OGFOD1: variants seen among roughly 807,000 people sequenced by gnomAD.
The protein encoded by OGFOD1 is 2-oxoglutarate and iron dependent oxygenase domain containing 1.
A neutral mutation model predicts 67.7 loss-of-function variants in OGFOD1; 54 were observed. The observed-to-expected ratio is 0.80, with a 90% CI of 0.64 to 1.00. The LOEUF (loss-of-function observed/expected upper bound fraction) is 1.00. OGFOD1 is among the 50% of genes least tolerant of loss of function. OGFOD1 has a pLI of 0.00. For missense variants in OGFOD1, 606 were observed against 646.7 expected, an observed-to-expected ratio of 0.94 and a Z score of 0.68; for synonymous variants, 221 against 227.0, an observed-to-expected ratio of 0.97 and a Z score of 0.24.
chr16:56,475,474 C>T (rs775230945), intron 11 of OGFOD1, 33 bp from the exon 12 acceptor site: 6 of 1,604,544 alleles, frequency 3.7e-6, no homozygotes, highest in Non-Finnish European at 2.6e-6. Context: ...TCAATAGGAG[C>T]TTTCTGAATG....
At chr16:56,475,359 A>AT in intron 11 of OGFOD1, 148 bp from the exon 12 acceptor site, 1 of 743,964 alleles carries the variant, frequency 1.3e-6, no homozygotes. Flanking sequence ...AAACTAGATG[A>AT]TAAGTTCAAG....
intron 4 of OGFOD1, among the ~76,000 whole-genome samples, chr16:56,462,857 C>T (rs1315855852): frequency 6.6e-6 from 1 of 152,204 alleles, no homozygotes; most frequent in Non-Finnish European, 1.5e-5. Context: ...ACCATATTTT[C>T]AGCAAAATCC....
At chr16:56,455,837 C>G in intron 2 of OGFOD1, among the ~76,000 whole-genome samples, 1 of 151,994 alleles carries the variant, frequency 6.6e-6, no homozygotes, top group East Asian at 1.9e-4. Flanking sequence ...TTCTTTCTCT[C>G]TGGATCATTC....
chr16:56,468,007 G>C lies in OGFOD1; in HGVS notation c.889G>C (p.Glu297Gln). ...AGAAAGTTCTGAAATTCTCCTGAAG[G>C]AGTTTCTTAAGGTAAGCTTAGCGTA... Reference protein sequence around the residue: ...FEESSEILLKEFLKPEKFTKV... With the variant: ...FEESSEILLKQFLKPEKFTKV... The change falls in exon 8 of 13, where the codon GAG (glutamate) becomes CAG (glutamine). Residue 297 changes from glutamate to glutamine, a missense_variant. Glu to Gln is a conservative substitution (Grantham distance 29). Transcript: ENST00000566157. 1.3e-6 allele frequency: 2 copies of C among 1,551,094 alleles called. No homozygotes were observed. The highest frequency in any genetic ancestry group is 1.8e-6 in the Non-Finnish European group (2 of 1,122,696).
At chr16:56,473,623 T>G (rs187351041) in intron 10 of OGFOD1, among the ~76,000 whole-genome samples, 2 of 152,372 alleles carry the variant, frequency 1.3e-5, no homozygotes, top group African/African-American at 4.8e-5. Flanking sequence ...TCCAACTTGC[T>G]TATTCTTTAG....
Position 56,470,077 on chromosome 16 carries a change from C to T in OGFOD1, c.975C>T (p.Asn325=). 2.5e-6 allele frequency: 4 copies of T among 1,613,688 alleles called. No homozygotes were observed. In the South Asian group the frequency reaches 4.4e-5, roughly 18 times the overall value. Residue 325 remains asparagine, a synonymous_variant, in exon 9 of 13, where the codon AAC becomes AAT. Transcript: ENST00000566157. ...HVEWSSRGPP[N]KRFYEKAEES... is the part of the protein sequence containing the mutation. ...AATGGAGCAGCCGAGGTCCCCCTAA[C>T]AAAAGGTAGAACCCGTCATCTGAGA...
At chr16:56,461,808 A>C (rs1421825179) in intron 3 of OGFOD1, among the ~76,000 whole-genome samples, 1 of 152,198 alleles carries the variant, frequency 6.6e-6, no homozygotes, top group Non-Finnish European at 1.5e-5. Context: ...AAAGAAAAAC[A>C]GTTGAGGCCA....
At chr16:56,459,766 A>G (rs1442534929) in intron 3 of OGFOD1, among the ~76,000 whole-genome samples, 1 of 152,236 alleles carries the variant, frequency 6.6e-6, no homozygotes, top group Non-Finnish European at 1.5e-5. Context: ...ATGGATTCAC[A>G]TCACGTGATC....
intron 10 of OGFOD1, among the ~76,000 whole-genome samples, chr16:56,473,813 C>T (rs887440924): frequency 4.8e-5 from 7 of 144,908 alleles, no homozygotes; most frequent in Admixed American, 1.4e-4. Flanking sequence ...TATTAACCTT[C>T]TTTTTTTTTT....
Position 56,470,491 on chromosome 16 carries a change from T to C in OGFOD1, c.985T>C (p.Tyr329His). ...SSRGPPNKRF[Y>H]EKAEESKLPE... ...CTTGACATTGCTGTTTTTCAGGTTT[T>C]ATGAGAAAGCTGAGGAGAGTAAGCT... The change falls in exon 10 of 13, where the codon TAT (tyrosine) becomes CAT (histidine). Residue 329 changes from tyrosine to histidine, a missense_variant. Physicochemically the swap from Tyr to His is moderately conservative, Grantham distance 83 (BLOSUM62 2). Transcript: ENST00000566157. 1 of 1,599,352 alleles carries C rather than the reference T, an allele frequency of 6.3e-7. No individual in the cohort carries two copies. Among genetic ancestry groups the C allele is most frequent in the South Asian group, 1.1e-5 (1 of 88,630 alleles).
chr16:56,475,950 G>GCTT (rs1383833609), intron 12 of OGFOD1, 94 bp from the exon 13 acceptor site: 2 of 1,161,540 alleles, frequency 1.7e-6, no homozygotes. Flanking sequence ...CAGATTAAGT[G>GCTT]CTTGATATGG....
chr16:56,458,746 G>A, intron 3 of OGFOD1, 152 bp downstream of exon 3: 1 of 644,466 alleles, frequency 1.6e-6, no homozygotes, highest in Middle Eastern at 4.3e-4. Flanking sequence ...AATTGAGTTT[G>A]CATAGCTTAA....
intron 10 of OGFOD1, among the ~76,000 whole-genome samples, chr16:56,472,925 T>TTTTGG (rs55711786): frequency 0.19 from 28,764 of 151,480 alleles, 2,934 homozygotes; most frequent in Non-Finnish European, 0.24. Context: ...GCTTTTTTTG[T>TTTTGG]TTTGGTTTGG....
intron 1 of OGFOD1, chr16:56,452,004 G>T: frequency 2.0e-6 from 1 of 499,520 alleles, no homozygotes; most frequent in South Asian, 2.9e-5. Context: ...GGGAAGCAGA[G>T]GGTATGCAAG....
At chr16:56,458,217 C>A in intron 2 of OGFOD1, 1 of 273,772 alleles carries the variant, frequency 3.7e-6, no homozygotes. Flanking sequence ...CCCATTCTTT[C>A]CCTGGGTTTC....
intron 6 of OGFOD1, 73 bp downstream of exon 6, chr16:56,467,040 C>A: frequency 6.5e-7 from 1 of 1,534,124 alleles, no homozygotes; most frequent in South Asian, 1.1e-5. Context: ...AACATGACAG[C>A]TTCCTGTTAG....
intron 7 of OGFOD1, 121 bp downstream of exon 7, chr16:56,467,414 TC>T: frequency 2.6e-6 from 3 of 1,154,622 alleles, no homozygotes; most frequent in South Asian, 1.5e-5. Context: ...TTTCCACTTT[TC>T]TTTTTTTTTT....
intron 5 of OGFOD1, 82 bp downstream of exon 5, chr16:56,466,350 G>A: frequency 1.2e-6 from 1 of 856,934 alleles, no homozygotes; most frequent in East Asian, 2.5e-5. Context: ...TCATGTTTTT[G>A]TATACAATGT....
chr16:56,459,743 T>C (rs1962648149), intron 3 of OGFOD1, among the ~76,000 whole-genome samples: 1 of 152,222 alleles, frequency 6.6e-6, no homozygotes, highest in South Asian at 2.1e-4. Context: ...TGCTTTGTTG[T>C]TTTTTCTGAC....
Sources: allele counts gnomAD v4.1 joint callset (sites outside exome capture counted in the v4.1 genomes callset), GRCh38; gene constraint gnomAD v4.1.1; transcripts MANE v1.5; gene names NCBI Gene and HGNC (gene_info 2026-07-23, HGNC 2026-07-21).